The following PHYKPL variants were observed in gnomAD, a reference collection of about 807,000 sequenced individuals.
PHYKPL encodes the protein 5-phosphohydroxy-L-lysine phospho-lyase.
In PHYKPL, 42 loss-of-function variants were observed where a neutral mutation model predicts 51.3. The ratio of observed to expected loss-of-function variants is 0.82; its 90% CI spans 0.64 to 1.06. The LOEUF is 1.06. Among genes scored for constraint, PHYKPL ranks in the 50% least tolerant of loss-of-function variants. The pLI, the probability that PHYKPL is intolerant of heterozygous loss-of-function variation, is 0.00. For missense variants in PHYKPL, 655 were observed against 586.6 expected, an observed-to-expected ratio of 1.12 and a Z score of -1.20; for synonymous variants, 264 against 236.0, an observed-to-expected ratio of 1.12 and a Z score of -1.09.
At chr5:178,232,427 T>TCGTGCGTGCGC (rs1763693300) in intron 1 of PHYKPL, 65 bp downstream of exon 1, 6 of 1,365,600 alleles carry the variant, frequency 4.4e-6, no homozygotes, top group Non-Finnish European at 4.7e-6. Flanking sequence ...CGTGCGTGCG[T>TCGTGCGTGCGC]CGTGCGTGCG....
chr5:178,211,344 A>C (rs978350614), intron 12 of PHYKPL: 1 of 153,812 alleles, frequency 6.5e-6, no homozygotes, highest in African/African-American at 2.4e-5. Context: ...CCCCCCTTCA[A>C]AGAAAGGAAT....
rs1763106169 is a variant in PHYKPL at position 178,230,213 on chromosome 5, GGT to G, written c.179-116_179-115del. 7.6e-6 allele frequency: 10 copies of G among 1,322,006 alleles called. No homozygotes were observed. In the South Asian group the frequency reaches 1.3e-4, roughly 17 times the overall value. The allele number at this position is 1,322,006 out of a possible 1,614,324, so 81.9% of individuals were successfully genotyped here. A position where few individuals can be genotyped will look rare whatever the true frequency, so the allele number is the denominator to read the frequency against. ...GAAGAGATGTAGTTCTAGAGGGAGA[GGT>G]AGAAAGAGGGCAGTCTGAAGGCAGA... On this transcript the variant is annotated intron_variant, in intron 2 of 12. Coordinates refer to ENST00000308158, the MANE Select transcript of PHYKPL (RefSeq NM_153373.4).
At chr5:178,210,312 G>A (rs539690163) in intron 12 of PHYKPL, 9 of 1,613,260 alleles carry the variant, frequency 5.6e-6, no homozygotes, top group Admixed American at 3.3e-5. Flanking sequence ...CTCACCCCTC[G>A]TCCCCAGGGG....
intron 3 of PHYKPL, chr5:178,229,700 C>A (rs2913862): frequency 0.1 from 47,560 of 459,636 alleles, 2,726 homozygotes; most frequent in Middle Eastern, 0.2. Flanking sequence ...CATATTACCT[C>A]ACTAAGCTCC....
rs566154092 is a variant in PHYKPL, at chr5:178,217,655, G to A, written c.928-2225C>T. ...GGGTGGATCATGAGGTCAGGAGATC[G>A]AGACCATCCTGGCTAACATGGTGAA... is the stretch of plus-strand genomic sequence containing the variant. On this transcript the variant is annotated intron_variant, in intron 8 of 12. Transcript: ENST00000308158. 3.3e-3 allele frequency among the ~76,000 whole-genome samples: 492 copies of A among 151,294 alleles called. 2 individuals carry two copies. The highest frequency in any genetic ancestry group is 0.012 in the African/African-American group (480 of 41,232).
At position 178,225,371 on chromosome 5, in the gene PHYKPL, C is replaced by T. The variant is rs780234084; in HGVS notation, c.397G>A (p.Val133Met). ...TGCACTTACTGATCTAATACCACCA[C>T]GTCCTGGTGTCCCGTGTAGTGGCGA... ...LARHYTGHQD[V>M]VVLDHAYHGH... The change falls in exon 4 of 13, where the codon GTG (valine) becomes ATG (methionine). Residue 133 changes from valine (V) to methionine (M), a missense_variant. Transcript: ENST00000308158. 30 of 1,614,086 alleles carry T rather than the reference C, an allele frequency of 1.9e-5. No homozygotes were observed. The highest frequency in any genetic ancestry group is 1.4e-5 in the Non-Finnish European group (17 of 1,180,052).
At chr5:178,223,198 T>A in intron 6 of PHYKPL, 1 of 466,794 alleles carries the variant, frequency 2.1e-6, no homozygotes, top group Non-Finnish European at 4.0e-6. Context: ...CATAAGCCAG[T>A]TCCTTCCCTG....
intron 12 of PHYKPL, chr5:178,210,214 TGGC>T: frequency 6.2e-7 from 1 of 1,613,088 alleles, no homozygotes; most frequent in East Asian, 2.2e-5. Flanking sequence ...GGCCTGGCTA[TGGC>T]GGCTACGACT....
chr5:178,210,257 C>T, intron 12 of PHYKPL: 1 of 1,613,930 alleles, frequency 6.2e-7, no homozygotes, highest in Non-Finnish European at 8.5e-7. Flanking sequence ...CGGCTACGGC[C>T]CCGGCTACGA....
chr5:178,212,092 A>C (rs1199050323), intron 11 of PHYKPL, 122 bp from the exon 12 acceptor site: 8 of 999,858 alleles, frequency 8.0e-6, no homozygotes, highest in Non-Finnish European at 1.2e-5. Flanking sequence ...ATCCACACCC[A>C]TGTCCCATTC....
rs568282117 is a variant in PHYKPL, at chr5:178,231,724, T to C, written c.60-201A>G. 3.5e-5 allele frequency: 54 copies of C among 1,535,682 alleles called. 1 individual carries two copies. The South Asian group carries it at 6.3e-4, about 18-fold the overall frequency. ...AGCAGGAAGCAGATGGGGTAACAAG[T>C]CGCTGAAACTTCGGATTGTTTCTGA... On this transcript the variant is annotated intron_variant, in intron 1 of 12. Transcript: ENST00000308158.
At chr5:178,229,081 T>C (rs1053383099) in intron 3 of PHYKPL, among the ~76,000 whole-genome samples, 3 of 150,478 alleles carry the variant, frequency 2.0e-5, no homozygotes, top group African/African-American at 7.4e-5. Context: ...TGACCAACCT[T>C]GACAAGAGTT....
intron 10 of PHYKPL, among the ~76,000 whole-genome samples, chr5:178,214,056 G>A (rs1192436823): frequency 2.0e-5 from 3 of 152,152 alleles, no homozygotes; most frequent in Non-Finnish European, 4.4e-5. Flanking sequence ...GTGACTGACA[G>A]CAGAGAGAAG....
rs1250884893 is a variant in PHYKPL, at chr5:178,222,574, G to C, written c.708C>G (p.Ile236Met). ...AGYFSQVAEH[I>M]RKAGGVFVAD... Reference sequence around the variant, plus strand: ...CAACAAAGACCCCTCCGGCCTTGCGGATGTGCCTGTGGCAGAGGAGATGAC... The same window carrying C: ...CAACAAAGACCCCTCCGGCCTTGCGCATGTGCCTGTGGCAGAGGAGATGAC... The change falls in exon 8 of 13, where the codon ATC becomes ATG. Residue 236 changes from isoleucine to methionine, a missense_variant. Ile to Met is a conservative substitution (Grantham distance 10). Coordinates refer to ENST00000308158, the MANE Select transcript of PHYKPL (RefSeq NM_153373.4). The C allele has an allele frequency of 6.2e-7, 1 of 1,614,014 alleles. No homozygotes were observed. Among genetic ancestry groups the C allele is most frequent in the Non-Finnish European group, 8.5e-7 (1 of 1,179,954 alleles).
At chr5:178,222,296 T>A in intron 8 of PHYKPL, 59 bp downstream of exon 8, 2 of 1,461,454 alleles carry the variant, frequency 1.4e-6, no homozygotes, top group South Asian at 2.6e-5. Flanking sequence ...AAGGACAGGC[T>A]GATCACCGGG....
At chr5:178,221,746 A>G (rs1053884254) in intron 8 of PHYKPL, among the ~76,000 whole-genome samples, 1 of 151,812 alleles carries the variant, frequency 6.6e-6, no homozygotes, top group Admixed American at 6.6e-5. Context: ...CTTTCTCCAC[A>G]CTGAGCACCA....
Position 178,229,992 on chromosome 5 carries a change from G to C in PHYKPL, c.286C>G (p.Leu96Val), listed in dbSNP as rs1467158553. ...AGCTGCTCCGGCAGGGTCTCTGACAGCCTCTGCGCATAGTCCACGATGTTG... is the reference window on the plus strand; with the variant it reads ...AGCTGCTCCGGCAGGGTCTCTGACACCCTCTGCGCATAGTCCACGATGTTG... The part of the protein sequence containing the change: ...HDNIVDYAQR[L>V]SETLPEQLCV... Residue 96 changes from leucine (L) to valine (V), a missense_variant, in exon 3 of 13, where the codon CTG (leucine) becomes GTG (valine). Leu to Val is a conservative substitution (Grantham distance 32). Transcript: ENST00000308158. 1.2e-6 allele frequency: 2 copies of C among 1,614,252 alleles called. No individual in the cohort carries two copies. Among genetic ancestry groups the C allele is most frequent in the Non-Finnish European group, 1.7e-6 (2 of 1,180,048 alleles).
chr5:178,232,092 C>T (rs1307222760), intron 1 of PHYKPL: 1 of 1,191,440 alleles, frequency 8.4e-7, no homozygotes, highest in East Asian at 5.6e-5. Context: ...CAGCCCCCTC[C>T]CAGGTCACTC....
In PHYKPL at chr5:178,231,703, G is replaced by A. The variant is rs758557170; in HGVS notation, c.60-180C>T. On this transcript the variant is annotated intron_variant, in intron 1 of 12. Coordinates refer to ENST00000308158, the MANE Select transcript of PHYKPL (RefSeq NM_153373.4). Reference sequence around the variant, plus strand: ...CCACTCCACAGGTGGTTGCAAAGCAGGAAGCAGATGGGGTAACAAGTCGCT... The same window carrying A: ...CCACTCCACAGGTGGTTGCAAAGCAAGAAGCAGATGGGGTAACAAGTCGCT... 7 of 1,551,696 alleles carry A rather than the reference G, an allele frequency of 4.5e-6. No homozygotes were observed. The Admixed American group carries it at 5.9e-5, about 13-fold the overall frequency.
Sources: allele counts gnomAD v4.1 joint callset (sites outside exome capture counted in the v4.1 genomes callset), GRCh38; gene constraint gnomAD v4.1.1; transcripts MANE v1.5; gene names NCBI Gene and HGNC (gene_info 2026-07-23, HGNC 2026-07-21).